WWOX: variants seen among roughly 807,000 people sequenced by gnomAD.
The protein encoded by WWOX is WW domain-containing oxidoreductase.
In WWOX, 69 loss-of-function variants were observed where a neutral mutation model predicts 46.2. That is an observed-to-expected ratio of 1.49 (90% CI 1.23 to 1.82). WWOX has a LOEUF of 1.82. WWOX is among the 40% of genes most tolerant of loss of function. The pLI, the probability that WWOX is intolerant of heterozygous loss-of-function variation, is 0.00. For missense variants in WWOX, 919 were observed against 542.6 expected, an observed-to-expected ratio of 1.69 and a Z score of -6.89; for synonymous variants, 359 against 202.6, an observed-to-expected ratio of 1.77 and a Z score of -6.56.
intron 5 of WWOX, among the ~76,000 whole-genome samples, chr16:78,229,406 C>T (rs887938983): frequency 1.4e-4 from 21 of 150,396 alleles, no homozygotes; most frequent in Non-Finnish European, 2.8e-4. Flanking sequence ...TTTTTGTTGT[C>T]ATCGTTTTAT....
intron 5 of WWOX, among the ~76,000 whole-genome samples, chr16:78,364,134 G>A (rs960606301): frequency 3.9e-5 from 6 of 152,090 alleles, no homozygotes; most frequent in African/African-American, 1.2e-4. Context: ...CTCTCTATCC[G>A]TAACCCTCCT....
At chr16:78,671,986 C>G (rs558487527) in intron 8 of WWOX, among the ~76,000 whole-genome samples, 100 of 152,222 alleles carry the variant, frequency 6.6e-4, no homozygotes, top group African/African-American at 2.3e-3. Context: ...TGGCAGTCTA[C>G]TACGCAAAAG....
intron 8 of WWOX, among the ~76,000 whole-genome samples, chr16:78,942,313 G>A (rs942580552): frequency 2.6e-5 from 4 of 152,122 alleles, no homozygotes; most frequent in African/African-American, 7.2e-5. Flanking sequence ...TTTGTAAGGG[G>A]TTAAAAGTCA....
chr16:78,950,517 AACAC>A (rs748466625), intron 8 of WWOX, among the ~76,000 whole-genome samples: 3 of 105,152 alleles, frequency 2.9e-5, no homozygotes, highest in Admixed American at 1.2e-4. Flanking sequence ...CTATTAAAGG[AACAC>A]ACACACACAC....
intron 5 of WWOX, among the ~76,000 whole-genome samples, chr16:78,207,429 C>A (rs555118016): frequency 6.6e-6 from 1 of 151,734 alleles, no homozygotes; most frequent in Admixed American, 6.6e-5. Context: ...AGTAGTTTTT[C>A]TACCAACATT....
intron 8 of WWOX, among the ~76,000 whole-genome samples, chr16:79,051,449 C>T (rs1312188496): frequency 3.3e-5 from 5 of 152,108 alleles, no homozygotes; most frequent in South Asian, 4.1e-4. Flanking sequence ...CCTTGACCAA[C>T]GAAGACCTTT....
chr16:79,190,712 G>T (rs934739904), intron 8 of WWOX, among the ~76,000 whole-genome samples: 2 of 152,010 alleles, frequency 1.3e-5, no homozygotes, highest in African/African-American at 4.8e-5. Context: ...ACCAAATCCT[G>T]CCTGCTGTTT....
At chr16:78,943,720 TA>T (rs775509520) in intron 8 of WWOX, among the ~76,000 whole-genome samples, 8 of 152,232 alleles carry the variant, frequency 5.3e-5, no homozygotes, top group Non-Finnish European at 8.8e-5. Flanking sequence ...GGACCAGCAG[TA>T]AAAGGTAGCC....
intron 5 of WWOX, among the ~76,000 whole-genome samples, chr16:78,289,362 G>A (rs191763524): frequency 2.3e-4 from 35 of 152,196 alleles, no homozygotes; most frequent in African/African-American, 8.4e-4. Context: ...AGTAGAGCTC[G>A]AATAGTCTAA....
intron 8 of WWOX, among the ~76,000 whole-genome samples, chr16:78,670,232 G>A (rs1389219740): frequency 1.3e-5 from 2 of 152,084 alleles, no homozygotes; most frequent in African/African-American, 2.4e-5. Context: ...GCCAGGCAGC[G>A]TGTGTTGAAT....
At chr16:78,192,989 G>A (rs887055265) in intron 5 of WWOX, among the ~76,000 whole-genome samples, 9 of 152,232 alleles carry the variant, frequency 5.9e-5, no homozygotes, top group Admixed American at 3.3e-4. Flanking sequence ...AACACATGTG[G>A]CTGAGGGTTG....
chr16:78,908,697 C>G (rs1003903307), intron 8 of WWOX, among the ~76,000 whole-genome samples: 1 of 152,036 alleles, frequency 6.6e-6, no homozygotes, highest in Non-Finnish European at 1.5e-5. Context: ...ATTGATTGGT[C>G]AGGTTTGAGA....
intron 8 of WWOX, among the ~76,000 whole-genome samples, chr16:78,489,143 T>A (rs2084714496): frequency 6.6e-6 from 1 of 152,154 alleles, no homozygotes; most frequent in Admixed American, 6.6e-5. Context: ...TTCTGTTAAG[T>A]TTTTTATAGG....
intron 8 of WWOX, among the ~76,000 whole-genome samples, chr16:78,869,820 C>T (rs944251160): frequency 2.6e-5 from 4 of 152,202 alleles, no homozygotes; most frequent in Non-Finnish European, 4.4e-5. Context: ...TCAGCATTTG[C>T]TTTGGAGTAA....
chr16:78,739,055 C>G (rs193217041), intron 8 of WWOX, among the ~76,000 whole-genome samples: 13 of 152,198 alleles, frequency 8.5e-5, no homozygotes, highest in Admixed American at 8.5e-4. Flanking sequence ...CCTCTGCCAC[C>G]AGAATAAAGG....
Position 78,856,110 on chromosome 16 carries a change from G to C in WWOX, c.1057-355498G>C, listed in dbSNP as rs73579335. Among the ~76,000 whole-genome samples the C allele has an allele frequency of 4.4e-3, 667 of 152,298 alleles. 6 individuals carry two copies. The highest frequency in any genetic ancestry group is 0.015 in the African/African-American group (633 of 41,558). ...TCCAGGGAGGATGTTTCTGGCAGAG[G>C]GATCAGCATAGGAAAGGAGTTCAGG... On this transcript the variant is annotated intron_variant, in intron 8 of 8. Coordinates refer to ENST00000566780, the MANE Select transcript of WWOX (RefSeq NM_016373.4).
chr16:78,939,900 G>T (rs886980820), intron 8 of WWOX, among the ~76,000 whole-genome samples: 1 of 152,182 alleles, frequency 6.6e-6, no homozygotes, highest in African/African-American at 2.4e-5. Context: ...ACATGCTTTT[G>T]CTCAAGTTGA....
At chr16:78,248,956 A>G (rs927838047) in intron 5 of WWOX, among the ~76,000 whole-genome samples, 20 of 141,634 alleles carry the variant, frequency 1.4e-4, no homozygotes, top group Admixed American at 6.0e-4. Flanking sequence ...TCCTGGGCTC[A>G]GGTGATTCTC....
At chr16:79,099,603 A>C (rs2049150992) in intron 8 of WWOX, among the ~76,000 whole-genome samples, 1 of 151,890 alleles carries the variant, frequency 6.6e-6, no homozygotes, top group Non-Finnish European at 1.5e-5. Context: ...TGAGAGAGAG[A>C]GAGAGAGAGA....
Sources: gnomAD v4.1 joint callset for allele counts (sites outside exome capture counted in the v4.1 genomes callset) on GRCh38, gnomAD v4.1.1 for gene constraint, MANE v1.5 for transcripts, NCBI Gene and HGNC (gene_info 2026-07-23, HGNC 2026-07-21) for gene names.